GAB1: variants seen among roughly 807,000 people sequenced by gnomAD.
The protein encoded by GAB1 is GRB2-associated-binding protein 1.
GAB1 carries 19 observed loss-of-function variants against 66.5 expected under a neutral mutation model. The ratio of observed to expected loss-of-function variants is 0.29; its 90% CI spans 0.20 to 0.42. The LOEUF is 0.42. Among genes scored for constraint, GAB1 ranks in the 10% least tolerant of loss-of-function variants. The probability of loss-of-function intolerance (pLI) is 1.00; values close to 1 mark genes in which losing one functional copy is unlikely to be tolerated. For synonymous variants in GAB1, 294 were observed against 301.4 expected (o/e 0.98, Z 0.25); for missense variants, 732 against 858.5 (o/e 0.85, Z 1.84).
chr4:143,449,267 T>A (rs1734756925), intron 6 of GAB1, among the ~76,000 whole-genome samples: 1 of 151,872 alleles, frequency 6.6e-6, no homozygotes, highest in Admixed American at 6.6e-5. Context: ...GTATATTCTG[T>A]TGATTTGGGG....
chr4:143,368,541 A>C (rs1482682054), intron 1 of GAB1, among the ~76,000 whole-genome samples: 31 of 152,206 alleles, frequency 2.0e-4, no homozygotes. Context: ...AAATATATGC[A>C]ATTTAAAATG....
chr4:143,441,690 T>A (rs1734248863), intron 6 of GAB1, among the ~76,000 whole-genome samples: 1 of 152,162 alleles, frequency 6.6e-6, no homozygotes, highest in Non-Finnish European at 1.5e-5. Flanking sequence ...TCTTTCACAT[T>A]CTTCCCTTCT....
chr4:143,398,808 C>T (rs1168837287), intron 1 of GAB1, among the ~76,000 whole-genome samples: 1 of 151,944 alleles, frequency 6.6e-6, no homozygotes, highest in Non-Finnish European at 1.5e-5. Flanking sequence ...ATCTGTAATC[C>T]CAGCACTTTG....
chr4:143,378,386 T>C (rs947106137), intron 1 of GAB1, among the ~76,000 whole-genome samples: 1 of 152,180 alleles, frequency 6.6e-6, no homozygotes, highest in Non-Finnish European at 1.5e-5. Flanking sequence ...TGAAGGTGAT[T>C]TGCAAACTGT....
At chr4:143,373,887 T>TATATATA (rs1560726049) in intron 1 of GAB1, among the ~76,000 whole-genome samples, 10 of 98,270 alleles carry the variant, frequency 1.0e-4, no homozygotes, top group African/African-American at 2.6e-4. Context: ...ATATATATAT[T>TATATATA]TTTACCTTTC....
chr4:143,338,248 CTT>C (rs1397845165), intron 1 of GAB1, among the ~76,000 whole-genome samples: 1 of 152,204 alleles, frequency 6.6e-6, no homozygotes, highest in Non-Finnish European at 1.5e-5. Context: ...AGAAATGACA[CTT>C]TTGTGCTGAC....
chr4:143,466,061 G>A, intron 8 of GAB1, 42 bp from the exon 9 acceptor site: 2 of 1,608,514 alleles, frequency 1.2e-6, no homozygotes, highest in South Asian at 1.1e-5. Context: ...TGGTATGTCT[G>A]GTGAATGTCT....
In GAB1 at chr4:143,438,555, C is replaced by T. The variant is rs888516757; in HGVS notation, c.1150C>T (p.Arg384Cys). ...CCCTACAGCAGGGATGTCGCCTTCA[C>T]GTAGTAATACCATTTCCACTGTGGA... ...CIPTAGMSPSRSNTISTVDLN... is the reference protein window; with the variant it reads ...CIPTAGMSPSCSNTISTVDLN... Residue 384 changes from arginine (R) to cysteine (C), a missense_variant, in exon 4 of 10, where the codon CGT becomes TGT. Transcript: ENST00000262994. 1.4e-5 allele frequency: 23 copies of T among 1,613,970 alleles called. No homozygotes were observed. The highest frequency in any genetic ancestry group is 1.9e-5 in the Non-Finnish European group (22 of 1,179,926).
chr4:143,368,249 T>A (rs1729972341), intron 1 of GAB1, among the ~76,000 whole-genome samples: 1 of 152,058 alleles, frequency 6.6e-6, no homozygotes, highest in East Asian at 1.9e-4. Flanking sequence ...AATTAATTTA[T>A]GTGGTCAAAG....
chr4:143,343,816 G>A (rs1381471572), intron 1 of GAB1, among the ~76,000 whole-genome samples: 2 of 152,142 alleles, frequency 1.3e-5, no homozygotes, highest in Non-Finnish European at 2.9e-5. Flanking sequence ...AAAGATTTGT[G>A]TTGAGTTTAG....
intron 1 of GAB1, among the ~76,000 whole-genome samples, chr4:143,396,757 G>T (rs1277561915): frequency 6.6e-6 from 1 of 152,178 alleles, no homozygotes; most frequent in African/African-American, 2.4e-5. Flanking sequence ...TTACATTCTT[G>T]GGGTTGAGGG....
In GAB1 at chr4:143,470,549, A is replaced by T. The variant is rs1736025774; in HGVS notation, c.*1360A>T. On this transcript the variant is annotated 3_prime_UTR_variant, in exon 10 of 10. Coordinates refer to ENST00000262994, the MANE Select transcript of GAB1 (RefSeq NM_002039.4). ...GTCCTGTGACATAGATATTAAGACC[A>T]CAAGTTGTAGTGAGGCTACAATTAT... 6.6e-6 allele frequency: 1 copy of T among 152,264 alleles called. No individual in the cohort carries two copies. Among genetic ancestry groups the T allele is most frequent in the Non-Finnish European group, 1.5e-5 (1 of 68,044 alleles). 9.4% of individuals were successfully genotyped at this position (152,264 alleles called of 1,614,324 possible). A position where few individuals can be genotyped will look rare whatever the true frequency, so the allele number is the denominator to read the frequency against.
intron 1 of GAB1, among the ~76,000 whole-genome samples, chr4:143,377,861 C>T (rs550215266): frequency 4.9e-4 from 75 of 152,276 alleles, no homozygotes; most frequent in African/African-American, 1.7e-3. Flanking sequence ...AAGTGAAATC[C>T]AAGAAATTTC....
chr4:143,415,223 C>T (rs1257520709), intron 1 of GAB1, among the ~76,000 whole-genome samples: 1 of 152,082 alleles, frequency 6.6e-6, no homozygotes. Flanking sequence ...TGATGTATTG[C>T]CTCAATATTA....
intron 6 of GAB1, among the ~76,000 whole-genome samples, chr4:143,447,649 C>A (rs1389474398): frequency 6.6e-6 from 1 of 152,202 alleles, no homozygotes; most frequent in Non-Finnish European, 1.5e-5. Context: ...TGTCCTGAGA[C>A]TTTGCTGAAG....
chr4:143,349,613 A>C, intron 1 of GAB1: 3 of 1,471,656 alleles, frequency 2.0e-6, no homozygotes, highest in Non-Finnish European at 1.8e-6. Flanking sequence ...GTCACCTTGC[A>C]AGGGACGGTG....
At chr4:143,424,996 G>T (rs1366270717) in intron 2 of GAB1, 11 of 687,792 alleles carry the variant, frequency 1.6e-5, no homozygotes, top group Non-Finnish European at 2.9e-5. Context: ...ACCCACAGAG[G>T]GGTCCATACG....
chr4:143,465,403 C>T (rs911751628), intron 8 of GAB1, among the ~76,000 whole-genome samples: 1 of 152,148 alleles, frequency 6.6e-6, no homozygotes, highest in Non-Finnish European at 1.5e-5. Context: ...GAGTTGTCTT[C>T]ACTCTGCTCT....
intron 1 of GAB1, among the ~76,000 whole-genome samples, chr4:143,372,441 A>G (rs971854274): frequency 2.8e-4 from 42 of 152,292 alleles, no homozygotes; most frequent in East Asian, 1.9e-4. Flanking sequence ...CTTACATGAA[A>G]CTTACATTGT....
Sources: allele counts gnomAD v4.1 joint callset (sites outside exome capture counted in the v4.1 genomes callset), GRCh38; gene constraint gnomAD v4.1.1; transcripts MANE v1.5; gene names NCBI Gene and HGNC (gene_info 2026-07-23, HGNC 2026-07-21).